The following ABCG1 variants were observed in gnomAD, a reference collection of about 807,000 sequenced individuals.
ABCG1 encodes the protein ATP-binding cassette sub-family G member 1.
ABCG1 carries 29 observed loss-of-function variants against 69.2 expected under a neutral mutation model. The ratio of observed to expected loss-of-function variants is 0.42; its 90% confidence interval spans 0.31 to 0.57. ABCG1 has a LOEUF of 0.57. ABCG1 is among the 20% of genes least tolerant of loss of function. The pLI is 0.15. For missense variants in ABCG1, 718 were observed against 898.1 expected (o/e 0.80, Z 2.56); for synonymous variants, 370 against 374.8 (o/e 0.99, Z 0.15).
At chr21:42,277,364 C>T (rs2068729536) in intron 5 of ABCG1, among the ~76,000 whole-genome samples, 1 of 152,230 alleles carries the variant, frequency 6.6e-6, no homozygotes, top group Non-Finnish European at 1.5e-5. Context: ...CATCCACCTA[C>T]ACTTGCAAGA....
intron 2 of ABCG1, among the ~76,000 whole-genome samples, chr21:42,263,535 C>T (rs888974125): frequency 1.3e-5 from 2 of 152,184 alleles, no homozygotes; most frequent in Non-Finnish European, 2.9e-5. Context: ...ATGGTCTGCG[C>T]ACTTCTCTGT....
chr21:42,291,458 G>A lies in ABCG1; in HGVS notation c.1495-40G>A. On this transcript the variant is annotated intron_variant, in intron 12 of 14. Coordinates refer to ENST00000398449, the MANE Select transcript of ABCG1 (RefSeq NM_016818.3). This position sits in a 1 kb window ranked among gnomAD's most constrained non-coding sequence, Gnocchi z 6.4. ...CTTTGCTGTTGGCCTGCTGTGGTGG[G>A]AAGCGGCTGAGCCCGCGGCTGACGG... 6.3e-7 allele frequency: 1 copy of A among 1,583,136 alleles called. No individual in the cohort carries two copies. The highest frequency in any genetic ancestry group is 8.6e-7 in the Non-Finnish European group (1 of 1,159,640).
chr21:42,287,957 A>G lies in ABCG1; in HGVS notation c.1042A>G (p.Met348Val). The part of the protein sequence containing the change: ...SRLVRAVREG[M>V]CDSDHKRDLG... ...GCTGGTGAGAGCGGTTCGGGAGGGCATGTGTGACTCAGACCACAAGAGAGA... is the reference window on the plus strand; with the variant it reads ...GCTGGTGAGAGCGGTTCGGGAGGGCGTGTGTGACTCAGACCACAAGAGAGA... Residue 348 changes from methionine (M) to valine (V), a missense_variant, in exon 9 of 15, where the codon ATG becomes GTG. Around this residue, in one of 2 missense-constraint regions of ABCG1, gnomAD observed 514 missense variants for 574.3 expected, o/e 0.90. Transcript: ENST00000398449. This position sits in a 1 kb window ranked among gnomAD's most constrained non-coding sequence, Gnocchi z 6.2. 6.2e-7 allele frequency: 1 copy of G among 1,613,740 alleles called. No homozygotes were observed. The highest frequency in any genetic ancestry group is 8.5e-7 in the Non-Finnish European group (1 of 1,179,760).
At chr21:42,227,821 T>C (rs559758812) in intron 2 of ABCG1, among the ~76,000 whole-genome samples, 84 of 152,070 alleles carry the variant, frequency 5.5e-4, no homozygotes, top group South Asian at 1.9e-3. Flanking sequence ...ATGTCTTACA[T>C]GGTGGCATGG....
chr21:42,200,046 T>C (rs2067494124), intron 1 of ABCG1, among the ~76,000 whole-genome samples: 1 of 152,222 alleles, frequency 6.6e-6, no homozygotes, highest in South Asian at 2.1e-4. Flanking sequence ...ATTGGTGAGC[T>C]GCCTGGATTT....
chr21:42,280,611 A>G (rs140611964), intron 5 of ABCG1, among the ~76,000 whole-genome samples: 3 of 152,140 alleles, frequency 2.0e-5, no homozygotes, highest in African/African-American at 4.8e-5. Flanking sequence ...GGGTGGCATC[A>G]CTCCTGAGCG....
rs373226420 is a variant in ABCG1, at chr21:42,282,503, C to G, written c.734+84C>G. ...GGTTCTTCCAGGTGACCCTGACATC[C>G]TGATGTAGCCTCAGAGGGGGTGAGT... On this transcript the variant is annotated intron_variant, in intron 6 of 14. Coordinates refer to ENST00000398449, the MANE Select transcript of ABCG1 (RefSeq NM_016818.3). 23 of 1,472,910 alleles carry G rather than the reference C, an allele frequency of 1.6e-5. 1 individual carries two copies. The African/African-American group carries it at 2.2e-4, about 14-fold the overall frequency. 91.2% of individuals were successfully genotyped at this position (1,472,910 alleles called of 1,614,324 possible).
chr21:42,259,510 A>C, intron 2 of ABCG1: 4 of 1,544,444 alleles, frequency 2.6e-6, no homozygotes, highest in Non-Finnish European at 2.6e-6. Flanking sequence ...CTCAAGGTGC[A>C]TTGACTGAGG....
chr21:42,281,066 C>T (rs3788001), intron 5 of ABCG1, among the ~76,000 whole-genome samples: 30,007 of 152,254 alleles, frequency 0.2, 3,058 homozygotes, highest in South Asian at 0.3. Context: ...CTGCCACCTG[C>T]CCTGGCCTGT....
At chr21:42,267,132 C>T (rs1053862639) in intron 2 of ABCG1, among the ~76,000 whole-genome samples, 7 of 152,248 alleles carry the variant, frequency 4.6e-5, no homozygotes, top group Admixed American at 4.6e-4. Context: ...GAAACAGACA[C>T]TGATTAAAGA....
intron 14 of ABCG1, 119 bp downstream of exon 14, chr21:42,294,779 C>T (rs2069171579): frequency 1.2e-6 from 1 of 862,440 alleles, no homozygotes; most frequent in Non-Finnish European, 2.0e-6. Flanking sequence ...GCAGATTACA[C>T]ATCTGAGGAT....
In ABCG1 at chr21:42,219,236, C is replaced by T. The variant is rs1265812990; in HGVS notation, c.-27C>T. The T allele has an allele frequency of 6.6e-7, 1 of 1,518,176 alleles. No homozygotes were observed. The highest frequency in any genetic ancestry group is 8.8e-7 in the Non-Finnish European group (1 of 1,138,846). The allele number at this position is 1,518,176 out of a possible 1,614,324, so 94.0% of individuals were successfully genotyped here. The stretch of plus-strand genomic sequence containing the variant: ...CAAGCCTCGTCCCCGCCGCCGCCGC[C>T]GCCGCCGCCGCCGCCGCCCCCGGGG... On this transcript the variant is annotated 5_prime_UTR_variant, in exon 1 of 15. Transcript: ENST00000398449. The surrounding 1 kb of genome is among the most constrained non-coding windows in gnomAD (Gnocchi z 5.3).
At chr21:42,284,387 A>G (rs1010736987) in intron 6 of ABCG1, among the ~76,000 whole-genome samples, 173 bp from the exon 7 acceptor site, 5 of 152,096 alleles carry the variant, frequency 3.3e-5, no homozygotes, top group African/African-American at 1.2e-4. Context: ...GTGCCCTGCC[A>G]CTGAGCAGCA....
chr21:42,285,863 TCC>T lies in ABCG1; in HGVS notation c.859-16_859-15del, dbSNP rs753475189. ...GAAGGCAGGGCTTGATCCCTTTTTCTCCTTCCTTTTTTCCAGCTTTACGTCCT... is the reference window on the plus strand; with the variant it reads ...GAAGGCAGGGCTTGATCCCTTTTTCTTTCCTTTTTTCCAGCTTTACGTCCT... On this transcript the variant is annotated splice_polypyrimidine_tract_variant and intron_variant, in intron 7 of 14. Coordinates refer to ENST00000398449, the MANE Select transcript of ABCG1 (RefSeq NM_016818.3). 30 of 1,588,030 alleles carry T rather than the reference TCC, an allele frequency of 1.9e-5. No individual in the cohort carries two copies. In the South Asian group the frequency reaches 3.0e-4, roughly 16 times the overall value.
At chr21:42,289,859 TGTGA>T (rs896589027) in intron 10 of ABCG1, among the ~76,000 whole-genome samples, 187 bp from the exon 11 acceptor site, 2 of 152,146 alleles carry the variant, frequency 1.3e-5, no homozygotes, top group African/African-American at 2.4e-5. Context: ...TATGTGTGTG[TGTGA>T]GTGTGTGTGT....
At chr21:42,242,744 C>T (rs544585896) in intron 2 of ABCG1, among the ~76,000 whole-genome samples, 8 of 152,286 alleles carry the variant, frequency 5.3e-5, no homozygotes, top group Admixed American at 4.6e-4. Context: ...GACCATGAAC[C>T]GGGGCAGTGA....
rs375659857 is a variant in ABCG1 at position 42,277,020 on chromosome 21, G to T, written c.588+75G>T. 88 of 1,487,580 alleles carry T rather than the reference G, an allele frequency of 5.9e-5. No homozygotes were observed. In the East Asian group the frequency reaches 8.4e-4, roughly 14 times the overall value. 92.1% of individuals were successfully genotyped at this position (1,487,580 alleles called of 1,614,324 possible). On this transcript the variant is annotated intron_variant, in intron 5 of 14. Transcript: ENST00000398449. The stretch of plus-strand genomic sequence containing the variant: ...GCATGTGGAAGGTGTGCCTGCCGGG[G>T]CATTTTGGCATTGGCTTTTGTTTGT...
chr21:42,253,021 C>G (rs74875867), intron 2 of ABCG1, among the ~76,000 whole-genome samples: 18 of 152,236 alleles, frequency 1.2e-4, no homozygotes, highest in Middle Eastern at 6.8e-3. Flanking sequence ...TTCCCAGTCT[C>G]GGCACGCCTG....
At chr21:42,201,735 A>C in intron 2 of ABCG1, 1 of 1,613,774 alleles carries the variant, frequency 6.2e-7, no homozygotes, top group Non-Finnish European at 8.5e-7. Flanking sequence ...TGTGGTCAGA[A>C]GAGACAGGGA....
Sources: allele counts gnomAD v4.1 joint callset (sites outside exome capture counted in the v4.1 genomes callset), GRCh38; gene constraint gnomAD v4.1.1; regional missense constraint gnomAD v4.1.1; non-coding constraint Gnocchi (gnomAD v3.1); transcripts MANE v1.5; gene names NCBI Gene and HGNC (gene_info 2026-07-23, HGNC 2026-07-21).